Variants in NDC80 observed in about 807,000 individuals in gnomAD.
The protein encoded by NDC80 is kinetochore protein NDC80 homolog.
In NDC80, 69 loss-of-function variants were observed where a neutral mutation model predicts 89.3. That is an observed-to-expected ratio of 0.77 (90% CI 0.64 to 0.94). The LOEUF (loss-of-function observed/expected upper bound fraction) is 0.94, where lower values mean the gene tolerates loss of function less well. Among genes scored for constraint, NDC80 ranks in the 40% least tolerant of loss-of-function variants. NDC80 has a pLI of 0.00. For synonymous variants in NDC80, 243 were observed against 255.6 expected (o/e 0.95, Z 0.47); for missense variants, 593 against 739.6 (o/e 0.80, Z 2.30).
chr18:2,615,438 T>C (rs1036068240), intron 16 of NDC80: 1 of 152,388 alleles, frequency 6.6e-6, no homozygotes, highest in East Asian at 1.9e-4. Flanking sequence ...CATGGCATCT[T>C]CTCTCCTCTC....
intron 16 of NDC80, among the ~76,000 whole-genome samples, chr18:2,612,094 T>A (rs1227079021): frequency 6.6e-6 from 1 of 152,008 alleles, no homozygotes; most frequent in Non-Finnish European, 1.5e-5. Flanking sequence ...ATACAATAAT[T>A]CTATTCTAGA....
chr18:2,584,965 A>C (rs2072596762), intron 6 of NDC80, 148 bp from the exon 7 acceptor site: 2 of 585,280 alleles, frequency 3.4e-6, no homozygotes, highest in Non-Finnish European at 6.1e-6. Context: ...AAAAGTGTTA[A>C]TGTTCAATAT....
intron 10 of NDC80, among the ~76,000 whole-genome samples, chr18:2,593,192 C>A (rs1215846184): frequency 1.3e-5 from 2 of 151,668 alleles, no homozygotes; most frequent in Non-Finnish European, 2.9e-5. Context: ...GTAGCTGGGA[C>A]CACAGATGTG....
intron 8 of NDC80, among the ~76,000 whole-genome samples, 167 bp from the exon 9 acceptor site, chr18:2,589,037 G>A (rs2072614679): frequency 6.6e-6 from 1 of 152,060 alleles, no homozygotes; most frequent in Admixed American, 6.6e-5. Flanking sequence ...GAAGTACGGT[G>A]GAGTAATGGA....
rs553120054 is a variant in NDC80 at position 2,575,770 on chromosome 18, C to T, written c.179+704C>T. On this transcript the variant is annotated intron_variant, in intron 3 of 16. Transcript: ENST00000261597. ...TGAAACCCTGTCTCTACAAAAAATA[C>T]AATGATTAGCCGGGGGCAGTGGCAC... is the stretch of plus-strand genomic sequence containing the variant. Among the ~76,000 whole-genome samples, 5 of 152,162 alleles carry T rather than the reference C, an allele frequency of 3.3e-5. No homozygotes were observed. In the South Asian group the frequency reaches 1.0e-3, roughly 32 times the overall value.
chr18:2,614,594 A>G (rs1193284164), intron 16 of NDC80: 1 of 7,010 alleles, frequency 1.4e-4, no homozygotes, highest in African/African-American at 8.8e-4. Context: ...AGAAAGAAAG[A>G]AAGAAAGAAA....
chr18:2,584,202 C>T (rs1198106331), intron 6 of NDC80, among the ~76,000 whole-genome samples: 1 of 151,396 alleles, frequency 6.6e-6, no homozygotes, highest in Non-Finnish European at 1.5e-5. Context: ...ACAGGAGAAT[C>T]ACCTGAACCC....
At position 2,587,824 on chromosome 18, in the gene NDC80, C is replaced by T; in HGVS notation, c.670-6C>T. The T allele has an allele frequency of 6.2e-7, 1 of 1,608,804 alleles. No individual in the cohort carries two copies. The highest frequency in any genetic ancestry group is 8.5e-7 in the Non-Finnish European group (1 of 1,175,770). The stretch of plus-strand genomic sequence containing the variant: ...CTTTGTTTCTAAAATCTGCTTAACC[C>T]CATAGTTGTTTTTGGACTACACCAT... On this transcript the variant is annotated splice_polypyrimidine_tract_variant and splice_region_variant and intron_variant, in intron 7 of 16. Coordinates refer to ENST00000261597, the MANE Select transcript of NDC80 (RefSeq NM_006101.3).
At chr18:2,580,135 AAG>A (rs2072568915) in intron 6 of NDC80, among the ~76,000 whole-genome samples, 1 of 152,148 alleles carries the variant, frequency 6.6e-6, no homozygotes, top group African/African-American at 2.4e-5. Context: ...GCAACACAAC[AAG>A]CAAAAAAAAT....
chr18:2,572,887 T>G (rs1372651226), intron 1 of NDC80, 90 bp from the exon 2 acceptor site: 5 of 893,770 alleles, frequency 5.6e-6, no homozygotes, highest in Middle Eastern at 2.4e-4. Flanking sequence ...CAATGAAACC[T>G]GACTGTCTTT....
chr18:2,600,281 A>G lies in NDC80; in HGVS notation c.1374+1110A>G, dbSNP rs549548266. Among the ~76,000 whole-genome samples the G allele has an allele frequency of 8.5e-5, 13 of 152,362 alleles. No homozygotes were observed. The East Asian group carries it at 1.5e-3, about 18-fold the overall frequency. ...AATAGAATCAATAAGGTACAAAGCCAAGTGTTATAAGTAGTACTTGGTGAA... is the reference window on the plus strand; with the variant it reads ...AATAGAATCAATAAGGTACAAAGCCGAGTGTTATAAGTAGTACTTGGTGAA... On this transcript the variant is annotated intron_variant, in intron 12 of 16. Coordinates refer to ENST00000261597, the MANE Select transcript of NDC80 (RefSeq NM_006101.3).
chr18:2,607,543 A>G (rs951085642), intron 14 of NDC80, among the ~76,000 whole-genome samples: 1 of 152,184 alleles, frequency 6.6e-6, no homozygotes, highest in Non-Finnish European at 1.5e-5. Flanking sequence ...CCAACTCACC[A>G]AAAAACTAAA....
At chr18:2,574,094 T>G (rs1465177072) in intron 2 of NDC80, among the ~76,000 whole-genome samples, 1 of 152,182 alleles carries the variant, frequency 6.6e-6, no homozygotes, top group African/African-American at 2.4e-5. Flanking sequence ...CACTTTTCTT[T>G]CTCTTGGTAA....
chr18:2,580,987 A>G (rs1156980301), intron 6 of NDC80, among the ~76,000 whole-genome samples: 1 of 151,398 alleles, frequency 6.6e-6, no homozygotes, highest in East Asian at 2.0e-4. Context: ...TGATCCGCCC[A>G]CCTCAGCCTC....
In NDC80 at chr18:2,606,512, G is replaced by C; in HGVS notation, c.1557+5G>C. On this transcript the variant is annotated splice_donor_5th_base_variant and intron_variant, in intron 14 of 16. Transcript: ENST00000261597. ...CTTTACCAACAAAAAATTAAGGTAA[G>C]AACTTTGCCACAGTTTGCGTAGGTT... 6.3e-7 allele frequency: 1 copy of C among 1,586,660 alleles called. No individual in the cohort carries two copies. The highest frequency in any genetic ancestry group is 2.3e-5 in the East Asian group (1 of 43,778).
intron 9 of NDC80, 143 bp downstream of exon 9, chr18:2,589,453 C>T: frequency 1.6e-6 from 1 of 622,564 alleles, no homozygotes; most frequent in Admixed American, 3.0e-5. Context: ...CTAGAAACTC[C>T]CAATGAAAAC....
chr18:2,587,093 A>C (rs1332527566), intron 7 of NDC80, among the ~76,000 whole-genome samples: 1 of 90,648 alleles, frequency 1.1e-5, no homozygotes, highest in Non-Finnish European at 2.5e-5. Flanking sequence ...CAGACTGCCT[A>C]TTCAGGGTAC....
At chr18:2,612,598 A>G (rs997961845) in intron 16 of NDC80, among the ~76,000 whole-genome samples, 1 of 151,978 alleles carries the variant, frequency 6.6e-6, no homozygotes, top group South Asian at 2.1e-4. Context: ...GTGATTTTCT[A>G]TTATCTGCAG....
intron 8 of NDC80, among the ~76,000 whole-genome samples, chr18:2,588,367 C>G (rs2072612012): frequency 6.7e-6 from 1 of 150,270 alleles, no homozygotes; most frequent in Admixed American, 6.6e-5. Flanking sequence ...AAATTTGTGG[C>G]AAAAAGTTAA....
Sources: gnomAD v4.1 joint callset for allele counts (sites outside exome capture counted in the v4.1 genomes callset) on GRCh38, gnomAD v4.1.1 for gene constraint, MANE v1.5 for transcripts, NCBI Gene and HGNC (gene_info 2026-07-23, HGNC 2026-07-21) for gene names.